Variants in BRINP3 observed in about 807,000 individuals in gnomAD.
BRINP3 encodes the protein BMP/retinoic acid inducible neural specific 3, also known as BMP/retinoic acid-inducible neural-specific protein 3.
Under a neutral mutation model 71.0 loss-of-function variants are expected in BRINP3, and 19 were observed. The ratio of observed to expected loss-of-function variants is 0.27; its 90% confidence interval spans 0.19 to 0.39. BRINP3 has a LOEUF of 0.39. BRINP3 is among the 10% of genes least tolerant of loss of function. The pLI, the probability that BRINP3 is intolerant of heterozygous loss-of-function variation, is 1.00. For synonymous variants in BRINP3, 380 were observed against 337.7 expected (o/e 1.13, Z -1.37); for missense variants, 959 against 940.8 (o/e 1.02, Z -0.25).
At position 190,097,897 on chromosome 1, in the gene BRINP3, T is replaced by C. The variant is rs1651340977; in HGVS notation, c.*121A>G. On this transcript the variant is annotated 3_prime_UTR_variant, in exon 8 of 8. Transcript: ENST00000367462. ...GTGTGTAAATTGCCATCCAATGTTA[T>C]TGACTGATATAAGACAGATATTGAA... The C allele has an allele frequency of 5.5e-6, 6 of 1,094,736 alleles. No individual in the cohort carries two copies. Among genetic ancestry groups the C allele is most frequent in the Non-Finnish European group, 7.8e-6 (6 of 767,248 alleles). 67.8% of individuals were successfully genotyped at this position (1,094,736 alleles called of 1,614,324 possible).
At chr1:190,240,868 G>C (rs1448279762) in intron 4 of BRINP3, among the ~76,000 whole-genome samples, 3 of 65,136 alleles carry the variant, frequency 4.6e-5, no homozygotes, top group African/African-American at 6.9e-5. Context: ...GTGAAACTCT[G>C]TCTCAAAAAA....
intron 2 of BRINP3, among the ~76,000 whole-genome samples, chr1:190,345,037 C>A (rs2103125296): frequency 6.6e-6 from 1 of 151,938 alleles, no homozygotes; most frequent in Non-Finnish European, 1.5e-5. Flanking sequence ...ATTTTAAAGT[C>A]ATGGTATAAA....
chr1:190,313,667 A>G (rs1665686163), intron 2 of BRINP3, among the ~76,000 whole-genome samples: 2 of 152,000 alleles, frequency 1.3e-5, no homozygotes, highest in Non-Finnish European at 2.9e-5. Flanking sequence ...TACTGTCTGC[A>G]TTATCTTGTT....
intron 4 of BRINP3, among the ~76,000 whole-genome samples, chr1:190,252,404 A>C (rs191593402): frequency 7.2e-5 from 11 of 152,252 alleles, no homozygotes; most frequent in African/African-American, 2.6e-4. Flanking sequence ...GAGAGTACTG[A>C]GTTTTCTTTC....
At chr1:190,234,003 C>A (rs1195690992) in intron 5 of BRINP3, among the ~76,000 whole-genome samples, 6 of 151,986 alleles carry the variant, frequency 3.9e-5, no homozygotes, top group Admixed American at 3.9e-4. Flanking sequence ...TCATTTTATA[C>A]CATGCATAAA....
At chr1:190,342,536 G>A (rs1304143018) in intron 2 of BRINP3, 5 of 148,584 alleles carry the variant, frequency 3.4e-5, no homozygotes, top group African/African-American at 1.3e-4. Context: ...ATTTCAGGTA[G>A]GCACTTGCCC....
chr1:190,320,214 TCC>T (rs1666147343), intron 2 of BRINP3, among the ~76,000 whole-genome samples: 1 of 152,006 alleles, frequency 6.6e-6, no homozygotes, highest in African/African-American at 2.4e-5. Flanking sequence ...CCCAAAACAC[TCC>T]TAATATTAAA....
At chr1:190,233,417 C>T (rs1393922359) in intron 5 of BRINP3, among the ~76,000 whole-genome samples, 1 of 152,012 alleles carries the variant, frequency 6.6e-6, no homozygotes, top group Non-Finnish European at 1.5e-5. Flanking sequence ...CTGGCTTCAA[C>T]TGATCTTCCT....
At chr1:190,328,311 T>C (rs2103071986) in intron 2 of BRINP3, among the ~76,000 whole-genome samples, 1 of 152,088 alleles carries the variant, frequency 6.6e-6, no homozygotes, top group South Asian at 2.1e-4. Context: ...GACCACAAGC[T>C]AGATTAGCAA....
chr1:190,381,681 A>AATC lies in BRINP3; in HGVS notation c.236+72973_236+72974insGAT, dbSNP rs1278566997. On this transcript the variant is annotated intron_variant, in intron 2 of 7. Transcript: ENST00000367462. The stretch of plus-strand genomic sequence containing the variant: ...GATTCATTAAATATCAAATAATAAT[A>AATC]ATGTAAATGAATGGCAGTGATTAGC... Among the ~76,000 whole-genome samples, 75 of 152,270 alleles carry AATC rather than the reference A, an allele frequency of 4.9e-4. 1 individual carries two copies. Among genetic ancestry groups the AATC allele is most frequent in the African/African-American group, 1.8e-3 (73 of 41,566 alleles).
intron 2 of BRINP3, among the ~76,000 whole-genome samples, chr1:190,446,852 C>T (rs549984115): frequency 7.2e-4 from 109 of 152,102 alleles, no homozygotes; most frequent in Non-Finnish European, 9.7e-4. Flanking sequence ...AATTGGGATG[C>T]ACTTGATCTT....
At chr1:190,121,527 A>G (rs962739182) in intron 7 of BRINP3, among the ~76,000 whole-genome samples, 9 of 152,216 alleles carry the variant, frequency 5.9e-5, no homozygotes, top group Non-Finnish European at 1.3e-4. Flanking sequence ...CTGCAGAAGT[A>G]AATAATATTT....
At chr1:190,462,576 A>T (rs568033258) in intron 1 of BRINP3, among the ~76,000 whole-genome samples, 3 of 152,194 alleles carry the variant, frequency 2.0e-5, no homozygotes, top group South Asian at 2.1e-4. Flanking sequence ...TGAGAAAAGT[A>T]AAGAAAATGA....
intron 2 of BRINP3, among the ~76,000 whole-genome samples, chr1:190,332,463 T>C (rs1571772626): frequency 6.6e-6 from 1 of 152,038 alleles, no homozygotes; most frequent in African/African-American, 2.4e-5. Context: ...ATTCTACATG[T>C]ATGGATTTCA....
intron 4 of BRINP3, among the ~76,000 whole-genome samples, chr1:190,251,379 A>C (rs2102816152): frequency 6.6e-6 from 1 of 152,110 alleles, no homozygotes; most frequent in African/African-American, 2.4e-5. Flanking sequence ...TGCTATTATT[A>C]TCTTTCTTTT....
chr1:190,188,144 A>AT (rs975044707), intron 6 of BRINP3, among the ~76,000 whole-genome samples: 1 of 152,074 alleles, frequency 6.6e-6, no homozygotes, highest in African/African-American at 2.4e-5. Flanking sequence ...TGTAAATGTG[A>AT]TTTTTAAAAT....
chr1:190,330,076 T>G (rs1258662522), intron 2 of BRINP3, among the ~76,000 whole-genome samples: 2 of 151,958 alleles, frequency 1.3e-5, no homozygotes, highest in Admixed American at 6.6e-5. Context: ...TTTTCCATGT[T>G]ACAGAATTTA....
chr1:190,332,335 G>A (rs1046891856), intron 2 of BRINP3, among the ~76,000 whole-genome samples: 2 of 152,022 alleles, frequency 1.3e-5, no homozygotes, highest in African/African-American at 2.4e-5. Flanking sequence ...AAAACTTGAG[G>A]GCTGTTGCCG....
chr1:190,438,180 T>C (rs1026843168), intron 2 of BRINP3, among the ~76,000 whole-genome samples: 15 of 151,472 alleles, frequency 9.9e-5, no homozygotes, highest in Admixed American at 3.3e-4. Flanking sequence ...AAAGTTACTA[T>C]AGAATCATTC....
Sources: gnomAD v4.1 joint callset for allele counts (sites outside exome capture counted in the v4.1 genomes callset) on GRCh38, gnomAD v4.1.1 for gene constraint, MANE v1.5 for transcripts, NCBI Gene and HGNC (gene_info 2026-07-23, HGNC 2026-07-21) for gene names.